The following BABAM2 variants were observed in gnomAD, a reference collection of about 807,000 sequenced individuals.
BABAM2 encodes the protein BRISC and BRCA1-A complex member 2.
BABAM2 carries 31 observed loss-of-function variants against 54.7 expected under a neutral mutation model. The observed-to-expected ratio is 0.57, with a 90% CI of 0.43 to 0.77. The LOEUF (loss-of-function observed/expected upper bound fraction) is 0.77. Ranked by LOEUF, BABAM2 falls within the 30% of genes least tolerant of loss-of-function variation. The probability of loss-of-function intolerance (pLI) is 0.00; values close to 1 mark genes in which losing one functional copy is unlikely to be tolerated. For synonymous variants in BABAM2, 167 were observed against 162.9 expected (o/e 1.03, Z -0.19); for missense variants, 364 against 455.8 (o/e 0.80, Z 1.83).
intron 6 of BABAM2, among the ~76,000 whole-genome samples, chr2:28,090,364 C>T (rs1666057784): frequency 6.6e-6 from 1 of 152,170 alleles, no homozygotes; most frequent in Non-Finnish European, 1.5e-5. Context: ...CCTGCCTCAG[C>T]CTCCTGAGTA....
At chr2:28,143,812 G>A (rs1671266710) in intron 7 of BABAM2, among the ~76,000 whole-genome samples, 1 of 152,134 alleles carries the variant, frequency 6.6e-6, no homozygotes, top group Non-Finnish European at 1.5e-5. Context: ...GAGGTTCGTT[G>A]CCACTGTTGC....
In BABAM2 at chr2:28,090,501, C is replaced by G. The variant is rs149804278; in HGVS notation, c.571-38770C>G. Among the ~76,000 whole-genome samples, 57 of 152,296 alleles carry G rather than the reference C, an allele frequency of 3.7e-4. 2 individuals carry two copies. The highest frequency in any genetic ancestry group is 1.2e-3 in the African/African-American group (51 of 41,564). On this transcript the variant is annotated intron_variant, in intron 6 of 11. Transcript: ENST00000379624. ...TCGTGATCTGCCCACCTTGGCCTCC[C>G]AAAGTGCTGGGATTACAGGTGTGAG...
chr2:27,966,394 T>C (rs113494326), intron 3 of BABAM2, among the ~76,000 whole-genome samples: 34 of 152,310 alleles, frequency 2.2e-4, no homozygotes, highest in African/African-American at 5.8e-4. Flanking sequence ...CTTGATTTGT[T>C]AATATATCAT....
At chr2:28,185,747 T>C (rs574609480) in intron 7 of BABAM2, among the ~76,000 whole-genome samples, 38 of 152,270 alleles carry the variant, frequency 2.5e-4, no homozygotes, top group Non-Finnish European at 4.9e-4. Context: ...CTCTTTTTTT[T>C]TTGAATTGCA....
At chr2:28,046,823 C>T (rs1217652254) in intron 6 of BABAM2, among the ~76,000 whole-genome samples, 1 of 151,314 alleles carries the variant, frequency 6.6e-6, no homozygotes, top group Non-Finnish European at 1.5e-5. Context: ...TGCTCTGTCA[C>T]CCAAGCTGGA....
At chr2:28,137,306 C>G (rs1343164139) in intron 7 of BABAM2, among the ~76,000 whole-genome samples, 1 of 151,882 alleles carries the variant, frequency 6.6e-6, no homozygotes, top group East Asian at 1.9e-4. Flanking sequence ...TTCTTTAGTC[C>G]TTTGATAAAT....
chr2:27,945,897 T>G (rs1669264436), intron 3 of BABAM2, among the ~76,000 whole-genome samples: 1 of 152,078 alleles, frequency 6.6e-6, no homozygotes, highest in South Asian at 2.1e-4. Flanking sequence ...GTCCCTAAAT[T>G]TACTTATTAA....
chr2:27,984,614 ACTT>A (rs1347159429), intron 3 of BABAM2, among the ~76,000 whole-genome samples: 6 of 151,138 alleles, frequency 4.0e-5, no homozygotes, highest in South Asian at 4.2e-4. Context: ...CTTTGCTATG[ACTT>A]CTTCTTCTTT....
At chr2:28,272,125 G>A (rs769315494) in intron 10 of BABAM2, among the ~76,000 whole-genome samples, 9 of 152,192 alleles carry the variant, frequency 5.9e-5, no homozygotes, top group Non-Finnish European at 1.3e-4. Flanking sequence ...GAATGATGAA[G>A]AGGAGACAAA....
chr2:28,058,003 G>C (rs1678566707), intron 6 of BABAM2, among the ~76,000 whole-genome samples: 3 of 152,074 alleles, frequency 2.0e-5, no homozygotes, highest in Admixed American at 2.0e-4. Flanking sequence ...AATTAACCGG[G>C]CATGGTGGCG....
intron 3 of BABAM2, among the ~76,000 whole-genome samples, chr2:27,984,796 C>T (rs1265366239): frequency 6.6e-6 from 1 of 151,816 alleles, no homozygotes; most frequent in Admixed American, 6.6e-5. Flanking sequence ...CACCCATCAC[C>T]AGAGTAGTGT....
At chr2:28,164,613 C>A (rs1673449150) in intron 7 of BABAM2, among the ~76,000 whole-genome samples, 1 of 150,958 alleles carries the variant, frequency 6.6e-6, no homozygotes, top group African/African-American at 2.4e-5. Context: ...TTTTCTTTTT[C>A]CCATACATTA....
At chr2:28,059,701 A>T (rs1678709340) in intron 6 of BABAM2, among the ~76,000 whole-genome samples, 1 of 152,244 alleles carries the variant, frequency 6.6e-6, no homozygotes, top group Non-Finnish European at 1.5e-5. Context: ...TCCATACCTC[A>T]TGAGTGAATA....
At chr2:27,963,737 T>A (rs929002153) in intron 3 of BABAM2, among the ~76,000 whole-genome samples, 1 of 152,146 alleles carries the variant, frequency 6.6e-6, no homozygotes, top group African/African-American at 2.4e-5. Flanking sequence ...AAAATATAGT[T>A]AAGTAGATTT....
At chr2:28,125,600 A>T (rs1669457849) in intron 6 of BABAM2, among the ~76,000 whole-genome samples, 1 of 152,172 alleles carries the variant, frequency 6.6e-6, no homozygotes, top group Admixed American at 6.5e-5. Flanking sequence ...GCCTGTTGCA[A>T]AATTTTTAGA....
intron 7 of BABAM2, among the ~76,000 whole-genome samples, chr2:28,187,662 A>ATTTTTTT (rs35839748): frequency 8.1e-5 from 8 of 99,116 alleles, no homozygotes; most frequent in East Asian, 6.1e-4. Flanking sequence ...GAACTTTGGA[A>ATTTTTTT]TTTTTTTTTT....
chr2:28,021,042 T>C (rs1675217275), intron 4 of BABAM2, among the ~76,000 whole-genome samples: 1 of 151,722 alleles, frequency 6.6e-6, no homozygotes. Context: ...CATGAAATTA[T>C]ATCTTCACCA....
chr2:28,327,674 A>G (rs145989060), intron 11 of BABAM2, among the ~76,000 whole-genome samples: 1 of 152,216 alleles, frequency 6.6e-6, no homozygotes, highest in East Asian at 1.9e-4. Context: ...CGCAAGGCAG[A>G]CATAGCCCAG....
intron 3 of BABAM2, among the ~76,000 whole-genome samples, chr2:27,934,141 A>G (rs1668317678): frequency 6.6e-6 from 1 of 151,990 alleles, no homozygotes; most frequent in Admixed American, 6.5e-5. Flanking sequence ...ATTTCCCCAA[A>G]GCGTGTGCTT....
Sources: gnomAD v4.1 joint callset for allele counts (sites outside exome capture counted in the v4.1 genomes callset) on GRCh38, gnomAD v4.1.1 for gene constraint, MANE v1.5 for transcripts, NCBI Gene and HGNC (gene_info 2026-07-23, HGNC 2026-07-21) for gene names.